Variants in EML5 observed in about 807,000 individuals in gnomAD.
The protein encoded by EML5 is EMAP like 5, also known as echinoderm microtubule-associated protein-like 5.
Under a neutral mutation model 250.0 loss-of-function variants are expected in EML5, and 120 were observed. That is an observed-to-expected ratio of 0.48 (90% CI 0.41 to 0.56). The LOEUF is 0.56. Ranked by LOEUF, EML5 falls within the 20% of genes least tolerant of loss-of-function variation. The probability of loss-of-function intolerance (pLI) is 0.00; values close to 1 mark genes in which losing one functional copy is unlikely to be tolerated. For synonymous variants in EML5, 771 were observed against 806.5 expected (o/e 0.96, Z 0.75); for missense variants, 2,006 against 2,437.6 (o/e 0.82, Z 3.73).
intron 1 of EML5, among the ~76,000 whole-genome samples, chr14:88,758,594 G>C (rs1215559439): frequency 6.6e-6 from 1 of 152,186 alleles, no homozygotes; most frequent in African/African-American, 2.4e-5. Context: ...AAATGATGTA[G>C]CCTCTTTGGA....
chr14:88,692,624 C>T (rs2141296765), intron 17 of EML5, among the ~76,000 whole-genome samples: 1 of 152,270 alleles, frequency 6.6e-6, no homozygotes, highest in Non-Finnish European at 1.5e-5. Flanking sequence ...ATCCTGGAAC[C>T]AATCCCTGAT....
chr14:88,775,116 G>A (rs928330991), intron 1 of EML5, among the ~76,000 whole-genome samples: 12 of 150,644 alleles, frequency 8.0e-5, no homozygotes, highest in Non-Finnish European at 1.5e-4. Context: ...AGCAATACCC[G>A]GGTACTATGT....
At chr14:88,751,374 G>A (rs2094091441) in intron 2 of EML5, among the ~76,000 whole-genome samples, 1 of 152,126 alleles carries the variant, frequency 6.6e-6, no homozygotes, top group African/African-American at 2.4e-5. Flanking sequence ...TCAGAACAAA[G>A]GACCTCAAGA....
At chr14:88,785,116 T>C (rs928426385) in intron 1 of EML5, among the ~76,000 whole-genome samples, 2 of 152,174 alleles carry the variant, frequency 1.3e-5, no homozygotes, top group Admixed American at 6.5e-5. Flanking sequence ...TTCCCACTTA[T>C]TTGTGGGATC....
At chr14:88,759,116 T>A (rs1240316130) in intron 1 of EML5, among the ~76,000 whole-genome samples, 1 of 152,148 alleles carries the variant, frequency 6.6e-6, no homozygotes, top group Non-Finnish European at 1.5e-5. Flanking sequence ...AATCACTGAA[T>A]TGTGCACTTA....
At chr14:88,738,146 A>T (rs1291066753) in intron 6 of EML5, among the ~76,000 whole-genome samples, 1 of 152,206 alleles carries the variant, frequency 6.6e-6, no homozygotes, top group Non-Finnish European at 1.5e-5. Flanking sequence ...AATGTTTAGC[A>T]AAACTAATGA....
At chr14:88,775,276 T>A (rs184808612) in intron 1 of EML5, among the ~76,000 whole-genome samples, 1 of 152,160 alleles carries the variant, frequency 6.6e-6, no homozygotes, top group East Asian at 1.9e-4. Flanking sequence ...GGTACCAGCA[T>A]GGCCATAGGG....
At chr14:88,783,230 G>A (rs1470946094) in intron 1 of EML5, among the ~76,000 whole-genome samples, 2 of 152,214 alleles carry the variant, frequency 1.3e-5, no homozygotes. Flanking sequence ...ACACACAAAT[G>A]TGGGGTTGGA....
chr14:88,650,131 C>G (rs978781771), intron 27 of EML5, among the ~76,000 whole-genome samples: 2 of 152,056 alleles, frequency 1.3e-5, no homozygotes, highest in African/African-American at 4.8e-5. Context: ...CAAAAATTAA[C>G]TACTTTAAAT....
intron 21 of EML5, among the ~76,000 whole-genome samples, chr14:88,666,164 G>A (rs1219126804): frequency 6.6e-6 from 1 of 152,198 alleles, no homozygotes; most frequent in Non-Finnish European, 1.5e-5. Flanking sequence ...GTTTTGCAGA[G>A]TAGGTTTTAC....
At chr14:88,751,466 GAGACA>G (rs1354688572) in intron 2 of EML5, among the ~76,000 whole-genome samples, 2 of 152,120 alleles carry the variant, frequency 1.3e-5, no homozygotes, top group Admixed American at 1.3e-4. Context: ...AAAGCGGCAA[GAGACA>G]AGGCTGGAGA....
chr14:88,702,872 A>C (rs550962581), intron 13 of EML5, among the ~76,000 whole-genome samples: 1 of 152,298 alleles, frequency 6.6e-6, no homozygotes, highest in South Asian at 2.1e-4. Flanking sequence ...CTCCCACCTC[A>C]GCCCTCCAAG....
At chr14:88,635,088 T>C (rs1460922916) in intron 32 of EML5, among the ~76,000 whole-genome samples, 1 of 152,220 alleles carries the variant, frequency 6.6e-6, no homozygotes, top group Non-Finnish European at 1.5e-5. Flanking sequence ...TGAAAGCTCA[T>C]GCTCATTATA....
At chr14:88,685,288 A>AT in intron 19 of EML5, 146 bp from the exon 20 acceptor site, 1 of 566,856 alleles carries the variant, frequency 1.8e-6, no homozygotes, top group Non-Finnish European at 2.8e-6. Flanking sequence ...AATGTACTAT[A>AT]TTAACCTCAA....
chr14:88,745,249 C>A (rs1474347914), intron 3 of EML5, among the ~76,000 whole-genome samples: 1 of 150,366 alleles, frequency 6.7e-6, no homozygotes, highest in African/African-American at 2.5e-5. Context: ...CTCCAAAATG[C>A]GAATATACAC....
At chr14:88,751,042 A>C (rs2094086328) in intron 2 of EML5, among the ~76,000 whole-genome samples, 1 of 152,204 alleles carries the variant, frequency 6.6e-6, no homozygotes, top group Middle Eastern at 3.2e-3. Flanking sequence ...ATCCAAATAG[A>C]GCCTCAATAC....
intron 12 of EML5, among the ~76,000 whole-genome samples, 179 bp downstream of exon 12, chr14:88,705,303 T>A (rs558091523): frequency 6.6e-6 from 1 of 152,198 alleles, no homozygotes; most frequent in South Asian, 2.1e-4. Context: ...ATACCAAGCA[T>A]TTAATATAAA....
At chr14:88,632,407 GTCT>G (rs546277351) in intron 33 of EML5, among the ~76,000 whole-genome samples, 46 of 152,188 alleles carry the variant, frequency 3.0e-4, no homozygotes, top group Admixed American at 1.3e-4. Context: ...TCACTCCCTT[GTCT>G]AAAATTCTCC....
intron 9 of EML5, among the ~76,000 whole-genome samples, chr14:88,713,941 G>A (rs963369025): frequency 6.0e-5 from 9 of 148,902 alleles, no homozygotes; most frequent in African/African-American, 2.2e-4. Flanking sequence ...AAGCTCAAAT[G>A]ACCCTCCCAT....
Sources: gnomAD v4.1 joint callset for allele counts (sites outside exome capture counted in the v4.1 genomes callset) on GRCh38, gnomAD v4.1.1 for gene constraint, MANE v1.5 for transcripts, NCBI Gene and HGNC (gene_info 2026-07-23, HGNC 2026-07-21) for gene names.